The following CAMK4 variants were observed in gnomAD, a reference collection of about 807,000 sequenced individuals.
The protein encoded by CAMK4 is calcium/calmodulin-dependent protein kinase type IV.
A neutral mutation model predicts 44.9 loss-of-function variants in CAMK4; 22 were observed. The observed-to-expected ratio is 0.49, with a 90% CI of 0.35 to 0.70. CAMK4 has a LOEUF of 0.70. Ranked by LOEUF, CAMK4 falls within the 30% of genes least tolerant of loss-of-function variation. The pLI, the probability that CAMK4 is intolerant of heterozygous loss-of-function variation, is 0.01. For synonymous variants in CAMK4, 218 were observed against 215.4 expected (o/e 1.01, Z -0.11); for missense variants, 498 against 586.8 (o/e 0.85, Z 1.56).
chr5:111,233,880 T>C (rs1748588012), intron 1 of CAMK4, among the ~76,000 whole-genome samples: 2 of 152,220 alleles, frequency 1.3e-5, no homozygotes, highest in Non-Finnish European at 1.5e-5. Flanking sequence ...ATTTCGACTA[T>C]AGCAGAGGTC....
chr5:111,333,492 C>A (rs1749264124), intron 1 of CAMK4, among the ~76,000 whole-genome samples: 1 of 151,602 alleles, frequency 6.6e-6, no homozygotes, highest in African/African-American at 2.4e-5. Context: ...TGATTGAGAA[C>A]CAATACTCAA....
At chr5:111,254,994 G>A (rs899832899) in intron 1 of CAMK4, among the ~76,000 whole-genome samples, 4 of 151,424 alleles carry the variant, frequency 2.6e-5, no homozygotes, top group Non-Finnish European at 5.9e-5. Context: ...GCTCATTGAT[G>A]AAAAAAGAAC....
intron 2 of CAMK4, among the ~76,000 whole-genome samples, chr5:111,353,449 C>T (rs1750198382): frequency 6.6e-6 from 1 of 151,782 alleles, no homozygotes; most frequent in African/African-American, 2.4e-5. Flanking sequence ...TATCATCCTC[C>T]AAGGAAAGTA....
rs2116824 is a variant in CAMK4 at position 111,449,124 on chromosome 5, A to C, written c.551-5A>C. 3.5e-6 allele frequency: 5 copies of C among 1,441,220 alleles called. No individual in the cohort carries two copies. Among genetic ancestry groups the C allele is most frequent in the Non-Finnish European group, 3.9e-6 (4 of 1,033,930 alleles). 89.3% of individuals were successfully genotyped at this position (1,441,220 alleles called of 1,614,324 possible). A position where few individuals can be genotyped will look rare whatever the true frequency, so the allele number is the denominator to read the frequency against. The stretch of plus-strand genomic sequence containing the variant: ...CTTCATTAAATTTTTTTCTTGTGTT[A>C]TTAGCTGATTTTGGACTCTCTAAAA... On this transcript the variant is annotated splice_polypyrimidine_tract_variant and splice_region_variant and intron_variant, in intron 6 of 10. Coordinates refer to ENST00000282356, the MANE Select transcript of CAMK4 (RefSeq NM_001744.6).
intron 1 of CAMK4, among the ~76,000 whole-genome samples, chr5:111,343,416 G>A (rs1396809955): frequency 6.6e-6 from 1 of 151,772 alleles, no homozygotes; most frequent in Non-Finnish European, 1.5e-5. Flanking sequence ...CTCATGTGGT[G>A]TTTGGAGCAT....
chr5:111,349,152 A>G (rs1316457525), intron 2 of CAMK4, among the ~76,000 whole-genome samples: 2 of 151,950 alleles, frequency 1.3e-5, no homozygotes, highest in African/African-American at 2.4e-5. Context: ...GAAGTCATCA[A>G]TTCCCTAGAC....
At chr5:111,430,141 TG>T (rs1753389124) in intron 5 of CAMK4, among the ~76,000 whole-genome samples, 4 of 152,172 alleles carry the variant, frequency 2.6e-5, no homozygotes, top group Admixed American at 2.6e-4. Context: ...AATTTATCCC[TG>T]GGATACAAGG....
chr5:111,261,002 T>TGTG (rs1358669884), intron 1 of CAMK4, among the ~76,000 whole-genome samples: 1 of 152,212 alleles, frequency 6.6e-6, no homozygotes, highest in Non-Finnish European at 1.5e-5. Context: ...TTTCAAAATA[T>TGTG]GTAAATAGGC....
chr5:111,444,597 C>A (rs4957952), intron 5 of CAMK4, among the ~76,000 whole-genome samples: 62,441 of 151,948 alleles, frequency 0.41, 13,821 homozygotes, highest in Middle Eastern at 0.57. Context: ...TCTCTGCATT[C>A]TCTTGCTGCA....
intron 4 of CAMK4, among the ~76,000 whole-genome samples, chr5:111,378,409 G>T (rs138880550): frequency 1.1e-4 from 16 of 152,188 alleles, no homozygotes; most frequent in Non-Finnish European, 1.6e-4. Context: ...TAAATTTGCT[G>T]CCTCTTCAAG....
chr5:111,443,814 A>AAG (rs1275865249), intron 5 of CAMK4, among the ~76,000 whole-genome samples: 10 of 152,162 alleles, frequency 6.6e-5, no homozygotes, highest in Non-Finnish European at 1.3e-4. Context: ...TAAATTGGGT[A>AAG]AGATTAGGGG....
At chr5:111,285,843 G>C (rs928956550) in intron 1 of CAMK4, among the ~76,000 whole-genome samples, 2 of 152,162 alleles carry the variant, frequency 1.3e-5, no homozygotes, top group African/African-American at 4.8e-5. Context: ...CAGTGTTTGA[G>C]GGAATTGCTT....
chr5:111,464,302 A>G (rs1042292143), intron 7 of CAMK4, among the ~76,000 whole-genome samples: 1 of 152,108 alleles, frequency 6.6e-6, no homozygotes, highest in African/African-American at 2.4e-5. Context: ...AAAGAATTTA[A>G]AAAAATGAAA....
chr5:111,409,087 A>G (rs952840269), intron 5 of CAMK4, among the ~76,000 whole-genome samples: 9 of 152,104 alleles, frequency 5.9e-5, no homozygotes, highest in Non-Finnish European at 1.2e-4. Context: ...GGTCTGGAGG[A>G]TGGTGGCCCC....
intron 8 of CAMK4, 116 bp from the exon 9 acceptor site, chr5:111,478,265 A>G: frequency 1.8e-6 from 1 of 567,032 alleles, no homozygotes; most frequent in South Asian, 3.4e-5. Flanking sequence ...AGCTGAGTAG[A>G]CTTGCTTCCA....
At position 111,419,387 on chromosome 5, in the gene CAMK4, G is replaced by A. The variant is rs568274250; in HGVS notation, c.459+24605G>A. On this transcript the variant is annotated intron_variant, in intron 5 of 10. Transcript: ENST00000282356. ...GGTTGTGAAAATTTTCTCCCATTTC[G>A]TAGGTTGCCTGTTCACTCTGATGGT... 9.4e-3 allele frequency among the ~76,000 whole-genome samples: 1,432 copies of A among 152,156 alleles called. 20 individuals carry two copies. The highest frequency in any genetic ancestry group is 0.032 in the African/African-American group (1,321 of 41,506).
At chr5:111,463,987 A>G (rs1045799854) in intron 7 of CAMK4, among the ~76,000 whole-genome samples, 4 of 152,112 alleles carry the variant, frequency 2.6e-5, no homozygotes, top group African/African-American at 9.7e-5. Flanking sequence ...GATCCAAACC[A>G]AAAAGAAATC....
At chr5:111,343,993 A>T (rs1561426615) in intron 1 of CAMK4, 31 bp from the exon 2 acceptor site, 1 of 1,318,442 alleles carries the variant, frequency 7.6e-7, no homozygotes, top group African/African-American at 1.5e-5. Flanking sequence ...CCAAAGCATA[A>T]CATTTTCTTT....
chr5:111,355,748 T>C (rs780267313), intron 2 of CAMK4, among the ~76,000 whole-genome samples: 84 of 149,184 alleles, frequency 5.6e-4, no homozygotes, highest in Admixed American at 2.5e-3. Context: ...TGAGAACATG[T>C]GGTGTTTGGT....
Sources: allele counts gnomAD v4.1 joint callset (sites outside exome capture counted in the v4.1 genomes callset), GRCh38; gene constraint gnomAD v4.1.1; transcripts MANE v1.5; gene names NCBI Gene and HGNC (gene_info 2026-07-23, HGNC 2026-07-21).